Variants in GPHN observed in about 807,000 individuals in gnomAD.
The protein encoded by GPHN is gephyrin.
GPHN carries 17 observed loss-of-function variants against 95.5 expected under a neutral mutation model. The ratio of observed to expected loss-of-function variants is 0.18; its 90% CI spans 0.12 to 0.27. The LOEUF is 0.27. Among genes scored for constraint, GPHN ranks in the 10% least tolerant of loss-of-function variants. The pLI is 1.00. For missense variants in GPHN, 660 were observed against 978.1 expected, an observed-to-expected ratio of 0.67 and a Z score of 4.34; for synonymous variants, 320 against 322.5, an observed-to-expected ratio of 0.99 and a Z score of 0.08.
chr14:66,735,203 T>A (rs1369201334), intron 2 of GPHN, among the ~76,000 whole-genome samples: 1 of 152,214 alleles, frequency 6.6e-6, no homozygotes, highest in Non-Finnish European at 1.5e-5. Context: ...AGGCTTTTTT[T>A]AAATTTTGAG....
the GPHN span, chr14:67,279,095 A>T: frequency 3.0e-6 from 4 of 1,332,470 alleles, no homozygotes; most frequent in Non-Finnish European, 4.0e-6. Flanking sequence ...CATGGATTTT[A>T]TACTACAGAA....
chr14:67,628,752 G>A, the GPHN span, among the ~76,000 whole-genome samples: 1 of 152,194 alleles, frequency 6.6e-6, no homozygotes, highest in South Asian at 2.1e-4. Context: ...AAGATGTGGA[G>A]AAATTGAAAC....
At chr14:67,380,745 A>G in the GPHN span, 2 of 1,540,880 alleles carry the variant, frequency 1.3e-6, no homozygotes, top group East Asian at 2.4e-5. Flanking sequence ...TTGACCCCAC[A>G]GGCTGTCAAA....
the GPHN span, among the ~76,000 whole-genome samples, chr14:67,284,816 A>G: frequency 2.4e-3 from 365 of 152,264 alleles, 2 homozygotes; most frequent in African/African-American, 8.4e-3. Flanking sequence ...TGTAGCATGA[A>G]TCAGTACTTC....
chr14:67,137,493 G>A (rs1019542582), intron 17 of GPHN, among the ~76,000 whole-genome samples: 1 of 152,120 alleles, frequency 6.6e-6, no homozygotes, highest in Non-Finnish European at 1.5e-5. Context: ...GCCAGGTGCA[G>A]TGGCTCATGC....
chr14:66,988,394 A>G (rs2071168456), intron 9 of GPHN, among the ~76,000 whole-genome samples: 1 of 152,048 alleles, frequency 6.6e-6, no homozygotes, highest in Non-Finnish European at 1.5e-5. Flanking sequence ...GCAGAATAAT[A>G]AATTATGAGC....
At chr14:66,753,655 C>T (rs1239335627) in intron 2 of GPHN, among the ~76,000 whole-genome samples, 2 of 151,970 alleles carry the variant, frequency 1.3e-5, no homozygotes, top group Non-Finnish European at 2.9e-5. Flanking sequence ...ATGCAGCAAT[C>T]ACGCAGCTAG....
intron 3 of GPHN, among the ~76,000 whole-genome samples, chr14:66,803,820 C>T (rs1234625914): frequency 6.6e-6 from 1 of 151,922 alleles, no homozygotes; most frequent in African/African-American, 2.4e-5. Context: ...GCATTATTTA[C>T]CCCTGATGAA....
At chr14:67,337,652 T>C in the GPHN span, 1 of 152,072 alleles carries the variant, frequency 6.6e-6, no homozygotes, top group African/African-American at 2.4e-5. Flanking sequence ...TGCCTGGAAA[T>C]GGATGCGAGA....
the GPHN span, chr14:67,374,701 A>G: frequency 2.2e-6 from 1 of 462,356 alleles, no homozygotes; most frequent in Non-Finnish European, 3.7e-6. Context: ...TTTTAGGTTA[A>G]ATTAACTGTG....
chr14:67,188,774 TTTCCTTCCTTCC>T, the GPHN span, among the ~76,000 whole-genome samples: 3 of 151,070 alleles, frequency 2.0e-5, no homozygotes, highest in Admixed American at 6.6e-5. Flanking sequence ...CTCAGTTTCT[TTTCCTTCCTTCC>T]TTCCTTCCTT....
chr14:66,858,969 T>C (rs938092789), intron 4 of GPHN, among the ~76,000 whole-genome samples: 2 of 152,042 alleles, frequency 1.3e-5, no homozygotes, highest in African/African-American at 4.8e-5. Flanking sequence ...ATGATTTGAG[T>C]GCCAACTCAG....
At position 66,922,806 on chromosome 14, in the gene GPHN, C is replaced by G; in HGVS notation, c.597C>G (p.Thr199=). ...PPPPLSPPPT[T]SPHKQTEDKG... ...CCCCTCTTTCCCCTCCTCCTACTAC[C>G]AGCCCCCATAAACAGACAGAAGACA... The change falls in exon 7 of 23, where the codon ACC becomes ACG. Residue 199 remains threonine (T), a synonymous_variant. Coordinates refer to ENST00000478722, the MANE Select transcript of GPHN (RefSeq NM_020806.5). The G allele has an allele frequency of 1.2e-6, 2 of 1,613,670 alleles. No individual in the cohort carries two copies. Among genetic ancestry groups the G allele is most frequent in the South Asian group, 2.2e-5 (2 of 91,060 alleles).
intron 4 of GPHN, among the ~76,000 whole-genome samples, chr14:66,850,834 A>G (rs1269221145): frequency 6.6e-6 from 1 of 152,180 alleles, no homozygotes; most frequent in East Asian, 1.9e-4. Flanking sequence ...ACTGGTTAGG[A>G]AAGTTACATT....
chr14:66,575,934 C>T (rs1415032403), intron 1 of GPHN, among the ~76,000 whole-genome samples: 1 of 152,116 alleles, frequency 6.6e-6, no homozygotes, highest in African/African-American at 2.4e-5. Context: ...CTTTAATCTG[C>T]AGGAGTGGGC....
chr14:66,847,614 C>T (rs2062389736), intron 4 of GPHN, among the ~76,000 whole-genome samples: 1 of 151,988 alleles, frequency 6.6e-6, no homozygotes. Context: ...CAACTACTCC[C>T]TAACAAATCA....
intron 4 of GPHN, among the ~76,000 whole-genome samples, chr14:66,865,859 GT>G (rs2063203791): frequency 6.6e-6 from 1 of 152,118 alleles, no homozygotes; most frequent in African/African-American, 2.4e-5. Context: ...TAATTCTTAA[GT>G]TTGGCTTGGC....
chr14:66,693,970 T>C (rs2067953025), intron 2 of GPHN, among the ~76,000 whole-genome samples: 1 of 152,136 alleles, frequency 6.6e-6, no homozygotes, highest in Non-Finnish European at 1.5e-5. Flanking sequence ...GCTGTGGTGA[T>C]AGGGGCAGTG....
At chr14:66,669,517 T>A (rs1439087789) in intron 1 of GPHN, among the ~76,000 whole-genome samples, 3 of 152,090 alleles carry the variant, frequency 2.0e-5, no homozygotes, top group South Asian at 2.1e-4. Context: ...TTTAAATGTA[T>A]CCTATCCTTT....
Sources: allele counts gnomAD v4.1 joint callset (sites outside exome capture counted in the v4.1 genomes callset), GRCh38; gene constraint gnomAD v4.1.1; transcripts MANE v1.5; gene names NCBI Gene and HGNC (gene_info 2026-07-23, HGNC 2026-07-21).